The following RABGAP1L variants were observed in gnomAD, a reference collection of about 807,000 sequenced individuals.
RABGAP1L encodes the protein RAB GTPase activating protein 1 like.
Under a neutral mutation model 137.7 loss-of-function variants are expected in RABGAP1L, and 63 were observed. The ratio of observed to expected loss-of-function variants is 0.46; its 90% CI spans 0.37 to 0.56. The LOEUF is 0.56. RABGAP1L is among the 20% of genes least tolerant of loss of function. The pLI is 0.00. For synonymous variants in RABGAP1L, 431 were observed against 433.7 expected (o/e 0.99, Z 0.08); for missense variants, 1,095 against 1,244.0 (o/e 0.88, Z 1.80).
intron 13 of RABGAP1L, among the ~76,000 whole-genome samples, chr1:174,604,725 T>A (rs1435325827): frequency 6.6e-6 from 1 of 152,204 alleles, no homozygotes; most frequent in East Asian, 1.9e-4. Flanking sequence ...GTCAATGCCA[T>A]CTTTGTAAGA....
intron 13 of RABGAP1L, among the ~76,000 whole-genome samples, chr1:174,491,141 G>C (rs145316926): frequency 3.9e-5 from 6 of 152,238 alleles, no homozygotes; most frequent in African/African-American, 1.4e-4. Flanking sequence ...AGTAGATGGA[G>C]TCTGTCATCA....
At position 174,829,687 on chromosome 1, in the gene RABGAP1L, AAG is replaced by A. The variant is rs1352324114; in HGVS notation, c.2340+17730_2340+17731del. 1.9e-4 allele frequency among the ~76,000 whole-genome samples: 29 copies of A among 148,760 alleles called. 2 individuals are homozygous for A. Among genetic ancestry groups the A allele is most frequent in the African/African-American group, 2.5e-5 (1 of 40,794 alleles). ...AAAACAGAGTAGAATGTCAGATTAA[AAG>A]AGTTTATAGTCAAAAGATTGCTAAT... On this transcript the variant is annotated intron_variant, in intron 19 of 25. Coordinates refer to ENST00000681986, the MANE Select transcript of RABGAP1L (RefSeq NM_001366446.1).
chr1:174,527,919 T>TA lies in RABGAP1L; in HGVS notation c.1711-109455dup, dbSNP rs1553322709. 4.7e-5 allele frequency among the ~76,000 whole-genome samples: 7 copies of TA among 150,146 alleles called. No homozygotes were observed. The East Asian group carries it at 1.4e-3, about 29-fold the overall frequency. On this transcript the variant is annotated intron_variant, in intron 13 of 25. Transcript: ENST00000681986. ...TACTTGTCTTTTTTTTTTTTTTTTTTACCTTATTTTGACTCAATGTCTGTT... is the reference window on the plus strand; with the variant it reads ...TACTTGTCTTTTTTTTTTTTTTTTTTAACCTTATTTTGACTCAATGTCTGTT...
rs947734198 is a variant in RABGAP1L, at chr1:174,696,693, C to G, written c.1900-2832C>G. Among the ~76,000 whole-genome samples the G allele has an allele frequency of 2.8e-4, 42 of 152,302 alleles. No homozygotes were observed. In the East Asian group the frequency reaches 5.2e-3, roughly 19 times the overall value. On this transcript the variant is annotated intron_variant, in intron 15 of 25. Coordinates refer to ENST00000681986, the MANE Select transcript of RABGAP1L (RefSeq NM_001366446.1). ...AGTGCAAAGTCCCACAATCCCTGCT[C>G]TCTCCCTTTCCCAAGTGCATGGATT...
intron 1 of RABGAP1L, among the ~76,000 whole-genome samples, chr1:174,160,696 T>C (rs1298483321): frequency 6.6e-6 from 1 of 152,204 alleles, no homozygotes; most frequent in Non-Finnish European, 1.5e-5. Context: ...TTTTAATACA[T>C]TTAAATTTCC....
chr1:174,174,072 G>T (rs1665628022), intron 1 of RABGAP1L, among the ~76,000 whole-genome samples: 1 of 152,012 alleles, frequency 6.6e-6, no homozygotes, highest in Non-Finnish European at 1.5e-5. Flanking sequence ...GATACTTAAG[G>T]TTTCTAAGGT....
chr1:174,957,937 T>A, intron 20 of RABGAP1L: 1 of 1,576,894 alleles, frequency 6.3e-7, no homozygotes, highest in Non-Finnish European at 8.6e-7. Flanking sequence ...ATACTGGGAA[T>A]CTTCATAAGA....
chr1:174,489,485 T>C (rs1248666773), intron 13 of RABGAP1L, among the ~76,000 whole-genome samples: 1 of 151,926 alleles, frequency 6.6e-6, no homozygotes, highest in Non-Finnish European at 1.5e-5. Flanking sequence ...TGAGATACCA[T>C]CTCACACCAG....
intron 13 of RABGAP1L, among the ~76,000 whole-genome samples, chr1:174,468,614 GTAGT>G (rs1228308321): frequency 1.3e-5 from 2 of 152,130 alleles, no homozygotes; most frequent in Non-Finnish European, 2.9e-5. Context: ...ATTTCAAATA[GTAGT>G]TAATTTCTTA....
At chr1:174,738,400 T>C (rs1488941809) in intron 17 of RABGAP1L, among the ~76,000 whole-genome samples, 1 of 152,222 alleles carries the variant, frequency 6.6e-6, no homozygotes, top group Admixed American at 6.5e-5. Flanking sequence ...AGTTGACCTA[T>C]ACCAGTATTT....
At chr1:174,166,890 G>A (rs1352413982) in intron 1 of RABGAP1L, among the ~76,000 whole-genome samples, 1 of 152,180 alleles carries the variant, frequency 6.6e-6, no homozygotes, top group Non-Finnish European at 1.5e-5. Context: ...TAAAGAAGTT[G>A]CTATAGTAAA....
chr1:174,488,884 TA>T (rs1417394304), intron 13 of RABGAP1L, among the ~76,000 whole-genome samples: 3 of 151,566 alleles, frequency 2.0e-5, no homozygotes, highest in African/African-American at 4.8e-5. Flanking sequence ...TCATTTACAT[TA>T]GGTATTTCTC....
At chr1:174,647,574 A>T (rs1225013365) in intron 14 of RABGAP1L, among the ~76,000 whole-genome samples, 1 of 151,930 alleles carries the variant, frequency 6.6e-6, no homozygotes, top group Non-Finnish European at 1.5e-5. Flanking sequence ...ATCTTGGTGG[A>T]TAAGCTTTTT....
intron 19 of RABGAP1L, among the ~76,000 whole-genome samples, chr1:174,899,627 A>C (rs1573733615): frequency 6.6e-6 from 1 of 152,258 alleles, no homozygotes; most frequent in Non-Finnish European, 1.5e-5. Flanking sequence ...ATCCTCATCC[A>C]TCCTGCTCTC....
At chr1:174,617,883 G>T (rs750530740) in intron 13 of RABGAP1L, among the ~76,000 whole-genome samples, 1 of 148,592 alleles carries the variant, frequency 6.7e-6, no homozygotes, top group African/African-American at 2.4e-5. Flanking sequence ...AGGACAGTGG[G>T]TGCAGCTAGT....
rs1462676250 is a variant in RABGAP1L, at chr1:174,394,014, C to T, written c.1579C>T (p.Arg527Ter). The change falls in exon 13 of 26, where the codon CGA becomes TGA. Residue 527 changes from arginine to a stop codon, truncating the protein, a stop_gained. Transcript: ENST00000681986. LOFTEE classifies it high-confidence loss of function. The stretch of plus-strand genomic sequence containing the variant: ...TCTCAGGCACAGTAACCTTGGTGCA[C>T]GACCGAAAGGGCTGTCTACTCTGGT... ...LGKWHSNLGARPKGLSTLVKS... is the reference protein window; with the variant it reads ...LGKWHSNLGA 7.4e-6 allele frequency: 12 copies of T among 1,613,008 alleles called. No homozygotes were observed. Among genetic ancestry groups the T allele is most frequent in the South Asian group, 3.3e-5 (3 of 90,912 alleles).
At position 174,505,648 on chromosome 1, in the gene RABGAP1L, A is replaced by G. The variant is rs186958048; in HGVS notation, c.1710+111503A>G. On this transcript the variant is annotated intron_variant, in intron 13 of 25. Coordinates refer to ENST00000681986, the MANE Select transcript of RABGAP1L (RefSeq NM_001366446.1). ...ATGACTGTTAGCAAAAAGACAAAAG[A>G]TAAGTGTCAATGAGGATGTGGAGAA... Among the ~76,000 whole-genome samples, 6 of 152,288 alleles carry G rather than the reference A, an allele frequency of 3.9e-5. No individual in the cohort carries two copies. In the East Asian group the frequency reaches 7.7e-4, roughly 20 times the overall value.
intron 19 of RABGAP1L, among the ~76,000 whole-genome samples, chr1:174,927,694 G>A (rs995997508): frequency 4.6e-5 from 7 of 152,066 alleles, no homozygotes; most frequent in African/African-American, 1.7e-4. Context: ...TAGGACTATA[G>A]GTGCACACCA....
chr1:174,237,254 C>G lies in RABGAP1L; in HGVS notation c.543-4229C>G, dbSNP rs1272400604. On this transcript the variant is annotated intron_variant, in intron 4 of 25. Coordinates refer to ENST00000681986, the MANE Select transcript of RABGAP1L (RefSeq NM_001366446.1). Reference sequence around the variant, plus strand: ...GCCAGTCTGTGTCTTTTAATTGGAGCATTTAGTCCATTTACATTTAAAGTT... The same window carrying G: ...GCCAGTCTGTGTCTTTTAATTGGAGGATTTAGTCCATTTACATTTAAAGTT... Among the ~76,000 whole-genome samples the G allele has an allele frequency of 6.8e-4, 85 of 124,642 alleles. 1 individual carries two copies. Among genetic ancestry groups the G allele is most frequent in the African/African-American group, 2.4e-3 (77 of 32,134 alleles). The allele number at this position is 124,642 out of a possible 152,430, so 81.8% of individuals were successfully genotyped here.
Sources: allele counts gnomAD v4.1 joint callset (sites outside exome capture counted in the v4.1 genomes callset), GRCh38; gene constraint gnomAD v4.1.1; transcripts MANE v1.5; gene names NCBI Gene and HGNC (gene_info 2026-07-23, HGNC 2026-07-21).